BCL2L11: variants seen among roughly 807,000 people sequenced by gnomAD.
The protein encoded by BCL2L11 is BCL2 like 11, also known as bcl-2-like protein 11.
Under a neutral mutation model 20.6 loss-of-function variants are expected in BCL2L11, and 15 were observed. That is an observed-to-expected ratio of 0.73 (90% confidence interval 0.49 to 1.12). The LOEUF is 1.12. Among genes scored for constraint, BCL2L11 ranks in the 50% most tolerant of loss-of-function variants. BCL2L11 has a pLI of 0.00. For synonymous variants in BCL2L11, 108 were observed against 92.8 expected (o/e 1.16, Z -0.94); for missense variants, 292 against 260.9 (o/e 1.12, Z -0.82).
chr2:111,161,624 C>G, intron 3 of BCL2L11: 8 of 1,453,292 alleles, frequency 5.5e-6, no homozygotes, highest in Non-Finnish European at 7.3e-6. Flanking sequence ...CTGGCTCAGT[C>G]TTAGTGTCAT....
intron 1 of BCL2L11, among the ~76,000 whole-genome samples, chr2:111,122,035 C>G (rs982038988): frequency 6.6e-6 from 1 of 152,196 alleles, no homozygotes; most frequent in Admixed American, 6.5e-5. Flanking sequence ...GTGGAGGGCC[C>G]GACGGACGCC....
rs544895163 is a variant in BCL2L11 at position 111,122,884 on chromosome 2, C to T, written c.-13-849C>T. ...CGGGCCGGACGCCGCGGGGCTTGGTCCCTGGCCCGGACGCTGCGCTCTGAA... is the reference window on the plus strand; with the variant it reads ...CGGGCCGGACGCCGCGGGGCTTGGTTCCTGGCCCGGACGCTGCGCTCTGAA... On this transcript the variant is annotated intron_variant, in intron 1 of 3. Transcript: ENST00000393256. The T allele has an allele frequency of 8.1e-6, 8 of 985,324 alleles. No homozygotes were observed. In the African/African-American group the frequency reaches 1.2e-4, roughly 15 times the overall value. The allele number at this position is 985,324 out of a possible 1,614,324, so 61.0% of individuals were successfully genotyped here.
At chr2:111,162,101 C>T (rs1227460578) in intron 3 of BCL2L11, among the ~76,000 whole-genome samples, 4 of 152,228 alleles carry the variant, frequency 2.6e-5, no homozygotes, top group Admixed American at 2.0e-4. Context: ...GCTGCCCATC[C>T]TCCAGCTGTC....
chr2:111,127,254 T>A (rs1174409026), intron 2 of BCL2L11, among the ~76,000 whole-genome samples: 1 of 149,622 alleles, frequency 6.7e-6, no homozygotes, highest in Non-Finnish European at 1.5e-5. Context: ...TAATGGAAAT[T>A]AAAGTGTAGT....
intron 2 of BCL2L11, among the ~76,000 whole-genome samples, chr2:111,137,298 G>T (rs892782646): frequency 1.3e-5 from 2 of 152,108 alleles, no homozygotes; most frequent in African/African-American, 4.8e-5. Context: ...CACAGGACTC[G>T]CTATGAACCA....
At chr2:111,124,232 C>T (rs192454888) in intron 2 of BCL2L11, 93 bp downstream of exon 2, 3 of 1,374,082 alleles carry the variant, frequency 2.2e-6, no homozygotes, top group East Asian at 2.4e-5. Flanking sequence ...TTTTAAAACC[C>T]CGTAACTGAT....
chr2:111,148,248 G>A (rs958839731), intron 2 of BCL2L11, among the ~76,000 whole-genome samples: 3 of 152,156 alleles, frequency 2.0e-5, no homozygotes, highest in Admixed American at 6.5e-5. Context: ...TTGTGCATAT[G>A]GGTAGGCACA....
chr2:111,123,683 T>C, intron 1 of BCL2L11, 50 bp from the exon 2 acceptor site: 1 of 1,370,832 alleles, frequency 7.3e-7, no homozygotes, highest in African/African-American at 1.5e-5. Context: ...TGTTTATTCA[T>C]CGATTTTTTT....
At position 111,165,536 on chromosome 2, in the gene BCL2L11, G is replaced by A. The variant is rs2078979708; in HGVS notation, c.*1305G>A. ...TTTTTTTCATTTTTCCAGGACAGTTGGATATTGTCAGGCCACTTGTGACCC... is the reference window on the plus strand; with the variant it reads ...TTTTTTTCATTTTTCCAGGACAGTTAGATATTGTCAGGCCACTTGTGACCC... On this transcript the variant is annotated 3_prime_UTR_variant, in exon 4 of 4. Transcript: ENST00000393256. 6.6e-6 allele frequency: 1 copy of A among 152,176 alleles called. No individual in the cohort carries two copies. Among genetic ancestry groups the A allele is most frequent in the African/African-American group, 2.4e-5 (1 of 41,410 alleles). The allele number at this position is 152,176 out of a possible 1,614,324, so 9.4% of individuals were successfully genotyped here. A position where few individuals can be genotyped will look rare whatever the true frequency, so the allele number is the denominator to read the frequency against.
chr2:111,142,391 G>A (rs749268046), intron 2 of BCL2L11: 3 of 1,550,006 alleles, frequency 1.9e-6, no homozygotes, highest in Admixed American at 2.0e-5. Context: ...GCAAAATCAA[G>A]GTGAAAAGTT....
intron 3 of BCL2L11, among the ~76,000 whole-genome samples, chr2:111,155,588 C>G (rs1421927683): frequency 5.3e-5 from 8 of 152,206 alleles, no homozygotes; most frequent in African/African-American, 1.9e-4. Context: ...ACCCCTAATA[C>G]TGAAGCTGGA....
At chr2:111,144,348 C>T in intron 2 of BCL2L11, 1 of 897,756 alleles carries the variant, frequency 1.1e-6, no homozygotes, top group South Asian at 1.6e-5. Context: ...GAGAAATAGA[C>T]CTGGAGGGAG....
chr2:111,141,535 G>A (rs1449077587), intron 2 of BCL2L11, among the ~76,000 whole-genome samples: 1 of 112,736 alleles, frequency 8.9e-6, no homozygotes, highest in Non-Finnish European at 1.8e-5. Context: ...GAGGGGGGAG[G>A]GAGAGCATTG....
At chr2:111,122,435 G>T (rs1361070581) in intron 1 of BCL2L11, among the ~76,000 whole-genome samples, 1 of 152,224 alleles carries the variant, frequency 6.6e-6, no homozygotes, top group Non-Finnish European at 1.5e-5. Flanking sequence ...ACCACGGCCA[G>T]AGCAGCGCTC....
chr2:111,123,522 T>C (rs561725477), intron 1 of BCL2L11: 1 of 985,450 alleles, frequency 1.0e-6, no homozygotes, highest in Non-Finnish European at 1.2e-6. Flanking sequence ...ATTGTTACTG[T>C]ATTTTGTTTG....
intron 2 of BCL2L11, among the ~76,000 whole-genome samples, chr2:111,138,546 C>A (rs1470841661): frequency 6.6e-6 from 1 of 152,218 alleles, no homozygotes; most frequent in Non-Finnish European, 1.5e-5. Context: ...CCAGGCTGAT[C>A]AAGCTTTGGT....
chr2:111,152,580 G>T (rs977876701), intron 3 of BCL2L11, among the ~76,000 whole-genome samples: 2 of 152,098 alleles, frequency 1.3e-5, no homozygotes, highest in Non-Finnish European at 2.9e-5. Context: ...GGCTAAGGCT[G>T]GCATGGGGAC....
intron 3 of BCL2L11, among the ~76,000 whole-genome samples, chr2:111,153,623 A>G (rs2077495956): frequency 6.6e-6 from 1 of 152,230 alleles, no homozygotes. Flanking sequence ...TTGGCAAGCG[A>G]GTGTATCTCA....
At chr2:111,121,943 C>T (rs1266580560) in intron 1 of BCL2L11, among the ~76,000 whole-genome samples, 1 of 152,204 alleles carries the variant, frequency 6.6e-6, no homozygotes, top group African/African-American at 2.4e-5. Flanking sequence ...CACGCATGCC[C>T]GAGCACACCC....
Sources: gnomAD v4.1 joint callset for allele counts (sites outside exome capture counted in the v4.1 genomes callset) on GRCh38, gnomAD v4.1.1 for gene constraint, MANE v1.5 for transcripts, NCBI Gene and HGNC (gene_info 2026-07-23, HGNC 2026-07-21) for gene names.